RPTOR: variants seen among roughly 807,000 people sequenced by gnomAD.
The protein encoded by RPTOR is regulatory associated protein of MTOR complex 1, also known as regulatory-associated protein of mTOR.
Under a neutral mutation model 169.9 loss-of-function variants are expected in RPTOR, and 21 were observed. The observed-to-expected ratio is 0.12, with a 90% CI of 0.09 to 0.18. The LOEUF is 0.18. Ranked by LOEUF, RPTOR falls within the 10% of genes least tolerant of loss-of-function variation. RPTOR has a pLI of 1.00. For synonymous variants in RPTOR, 732 were observed against 753.2 expected (o/e 0.97, Z 0.46); for missense variants, 1,133 against 1,855.9 (o/e 0.61, Z 7.16).
At chr17:80,770,488 AG>A (rs1412391223) in intron 6 of RPTOR, among the ~76,000 whole-genome samples, 1 of 152,148 alleles carries the variant, frequency 6.6e-6, no homozygotes, top group African/African-American at 2.4e-5. Flanking sequence ...TTCATCCAGC[AG>A]GGGCAGCTCA....
At position 80,787,328 on chromosome 17, in the gene RPTOR, A is replaced by G. The variant is rs76900030; in HGVS notation, c.831-4122A>G. The stretch of plus-strand genomic sequence containing the variant: ...ATATTGATGTGTGTTTAGCTAGAGT[A>G]CCCCCGTCTAACTCTGCGAATATGC... On this transcript the variant is annotated intron_variant, in intron 6 of 33. Transcript: ENST00000306801. 8.1e-3 allele frequency among the ~76,000 whole-genome samples: 1,231 copies of G among 152,182 alleles called. 20 individuals carry two copies. The highest frequency in any genetic ancestry group is 0.029 in the African/African-American group (1,187 of 41,490).
At chr17:80,717,105 G>T (rs755466207) in intron 4 of RPTOR, among the ~76,000 whole-genome samples, 1 of 152,140 alleles carries the variant, frequency 6.6e-6, no homozygotes, top group Non-Finnish European at 1.5e-5. Flanking sequence ...ATTCTGTGAA[G>T]AATGATGGTG....
intron 9 of RPTOR, among the ~76,000 whole-genome samples, chr17:80,828,734 G>A (rs929680567): frequency 2.6e-5 from 4 of 152,220 alleles, no homozygotes; most frequent in Non-Finnish European, 4.4e-5. Flanking sequence ...CTAATGGGAT[G>A]TTCTGAAAGA....
intron 20 of RPTOR, among the ~76,000 whole-genome samples, chr17:80,896,359 C>CGGCCTCCCCG (rs1164374370): frequency 6.7e-6 from 1 of 150,286 alleles, no homozygotes; most frequent in Non-Finnish European, 1.5e-5. Context: ...ACACCCCACA[C>CGGCCTCCCCG]AGCCGCCCCG....
chr17:80,830,984 A>G (rs2067497670), intron 9 of RPTOR, among the ~76,000 whole-genome samples: 1 of 151,994 alleles, frequency 6.6e-6, no homozygotes, highest in Non-Finnish European at 1.5e-5. Flanking sequence ...AGCTCAGACA[A>G]TCCTCCCACC....
At chr17:80,818,631 C>G (rs2067347804) in intron 7 of RPTOR, among the ~76,000 whole-genome samples, 1 of 152,200 alleles carries the variant, frequency 6.6e-6, no homozygotes. Context: ...GCCTCATCAG[C>G]TTTTGCTCAC....
chr17:80,696,716 C>T (rs77778802), intron 3 of RPTOR, among the ~76,000 whole-genome samples: 3,794 of 152,292 alleles, frequency 0.025, 169 homozygotes, highest in African/African-American at 0.087. Flanking sequence ...CGAACTCAGC[C>T]GTTTGCAGGC....
rs1202552238 is a variant in RPTOR, at chr17:80,846,640, G to T, written c.1314+66G>T. The T allele has an allele frequency of 8.1e-6, 11 of 1,361,572 alleles. No individual in the cohort carries two copies. The African/African-American group carries it at 1.3e-4, about 16-fold the overall frequency. The allele number at this position is 1,361,572 out of a possible 1,614,324, so 84.3% of individuals were successfully genotyped here. On this transcript the variant is annotated intron_variant, in intron 11 of 33. Transcript: ENST00000306801. ...AGGAAGGAAGCCAGATGCCTGTACA[G>T]CCCCGGGAGTGCCTTCTCTCTCCCT...
rs141570483 is a variant in RPTOR, at chr17:80,560,830, C to T, written c.162+15039C>T. Reference sequence around the variant, plus strand: ...GTATAGAGAACAGGGACTCTGTGTTCACTGCTGAGCCCGAGGCTGTTCCCG... The same window carrying T: ...GTATAGAGAACAGGGACTCTGTGTTTACTGCTGAGCCCGAGGCTGTTCCCG... On this transcript the variant is annotated intron_variant, in intron 1 of 33. Coordinates refer to ENST00000306801, the MANE Select transcript of RPTOR (RefSeq NM_020761.3). Among the ~76,000 whole-genome samples, 416 of 152,232 alleles carry T rather than the reference C, an allele frequency of 2.7e-3. 1 individual carries two copies. The highest frequency in any genetic ancestry group is 9.4e-3 in the African/African-American group (392 of 41,524).
At chr17:80,606,780 GCCATCCAT>G (rs138907285) in intron 1 of RPTOR, among the ~76,000 whole-genome samples, 6 of 151,628 alleles carry the variant, frequency 4.0e-5, no homozygotes, top group South Asian at 2.1e-4. Context: ...CTTCCGTCTG[GCCATCCAT>G]CCATCCATCC....
chr17:80,807,431 A>T (rs1001330536), intron 7 of RPTOR, among the ~76,000 whole-genome samples: 2 of 151,524 alleles, frequency 1.3e-5, no homozygotes, highest in African/African-American at 4.9e-5. Context: ...GCTCACTGCA[A>T]CCTCCACCTC....
chr17:80,802,871 G>C (rs147259188), intron 7 of RPTOR: 2 of 152,314 alleles, frequency 1.3e-5, no homozygotes, highest in East Asian at 3.9e-4. Context: ...CACTGCGGTC[G>C]CATAACCGGG....
rs1055417625 is a variant in RPTOR at position 80,861,514 on chromosome 17, T to C, written c.1509+3614T>C. ...AAAGGGTGTTTGGCAGGAAGTCATT[T>C]TGAAACGTGGTTTCTGTCCTACACC... is the stretch of plus-strand genomic sequence containing the variant. On this transcript the variant is annotated intron_variant, in intron 13 of 33. Transcript: ENST00000306801. This position sits in a 1 kb window ranked among gnomAD's most constrained non-coding sequence, Gnocchi z 4.5. 1.9e-5 allele frequency among the ~76,000 whole-genome samples: 2 copies of C among 106,228 alleles called. No homozygotes were observed. The highest frequency in any genetic ancestry group is 5.4e-5 in the African/African-American group (2 of 37,146). 69.7% of individuals were successfully genotyped at this position (106,228 alleles called of 152,430 possible). A position where few individuals can be genotyped will look rare whatever the true frequency, so the allele number is the denominator to read the frequency against.
intron 7 of RPTOR, among the ~76,000 whole-genome samples, chr17:80,792,493 C>T (rs940466034): frequency 3.8e-4 from 58 of 152,066 alleles, no homozygotes; most frequent in African/African-American, 1.3e-3. Context: ...ACAGGAAGGC[C>T]GGGGAAGCGA....
In RPTOR at chr17:80,636,258, TCCCTACTTCTAC is replaced by T. The variant is rs2065505270; in HGVS notation, c.266-7466_266-7455del. On this transcript the variant is annotated intron_variant, in intron 2 of 33. Coordinates refer to ENST00000306801, the MANE Select transcript of RPTOR (RefSeq NM_020761.3). ...CTCACCTCCGCCGCCCCAACTCTAG[TCCCTACTTCTAC>T]CCCAACATCACAACACCTCAAACAC... Among the ~76,000 whole-genome samples the T allele has an allele frequency of 1.3e-5, 2 of 151,914 alleles. 1 individual carries two copies. Among genetic ancestry groups the T allele is most frequent in the Admixed American group, 1.3e-4 (2 of 15,244 alleles).
intron 6 of RPTOR, chr17:80,773,936 G>A (rs551125271): frequency 3.0e-6 from 3 of 984,674 alleles, no homozygotes; most frequent in African/African-American, 3.5e-5. Flanking sequence ...GGGCTATGCG[G>A]CCTGCCCTGG....
intron 1 of RPTOR, among the ~76,000 whole-genome samples, chr17:80,601,141 T>G (rs545321690): frequency 6.6e-6 from 1 of 152,042 alleles, no homozygotes; most frequent in Non-Finnish European, 1.5e-5. Flanking sequence ...AGGAGGTGGT[T>G]TCTCATTAAC....
rs1171132551 is a variant in RPTOR, at chr17:80,845,831, G to A, written c.1213-642G>A. Reference sequence around the variant, plus strand: ...TCCAGAGCGTTCTTGCTGCTGATCCGGGGCCCAGTCAGCTCTCCATCCTTA... The same window carrying A: ...TCCAGAGCGTTCTTGCTGCTGATCCAGGGCCCAGTCAGCTCTCCATCCTTA... On this transcript the variant is annotated intron_variant, in intron 10 of 33. Transcript: ENST00000306801. The surrounding 1 kb of genome is among the most constrained non-coding windows in gnomAD (Gnocchi z 5.4). Among the ~76,000 whole-genome samples the A allele has an allele frequency of 6.6e-6, 1 of 152,156 alleles. No homozygotes were observed.
In RPTOR at chr17:80,728,634, T is replaced by C. The variant is rs76680510; in HGVS notation, c.508-1926T>C. Among the ~76,000 whole-genome samples, 1,502 of 152,292 alleles carry C rather than the reference T, an allele frequency of 9.9e-3. 68 individuals carry two copies. In the East Asian group the frequency reaches 0.12, roughly 12 times the overall value. On this transcript the variant is annotated intron_variant, in intron 4 of 33. Coordinates refer to ENST00000306801, the MANE Select transcript of RPTOR (RefSeq NM_020761.3). ...TTTTCTGTTGATTTGTTTGTCTCCCTCACTAATACCATCCTGTAATTACCA... is the reference window on the plus strand; with the variant it reads ...TTTTCTGTTGATTTGTTTGTCTCCCCCACTAATACCATCCTGTAATTACCA...
Sources: allele counts gnomAD v4.1 joint callset (sites outside exome capture counted in the v4.1 genomes callset), GRCh38; gene constraint gnomAD v4.1.1; non-coding constraint Gnocchi (gnomAD v3.1); transcripts MANE v1.5; gene names NCBI Gene and HGNC (gene_info 2026-07-23, HGNC 2026-07-21).